PNPLA7: variants seen among roughly 807,000 people sequenced by gnomAD.
The protein encoded by PNPLA7 is patatin like domain 7, lysophospholipase.
PNPLA7 carries 153 observed loss-of-function variants against 161.7 expected under a neutral mutation model. That is an observed-to-expected ratio of 0.95 (90% CI 0.83 to 1.08). The LOEUF (loss-of-function observed/expected upper bound fraction) is 1.08, where lower values mean the gene tolerates loss of function less well. Ranked by LOEUF, PNPLA7 falls within the 50% of genes least tolerant of loss-of-function variation. The probability of loss-of-function intolerance (pLI) is 0.00; values close to 1 mark genes in which losing one functional copy is unlikely to be tolerated. For synonymous variants in PNPLA7, 809 were observed against 782.1 expected (o/e 1.03, Z -0.57); for missense variants, 1,739 against 1,856.6 (o/e 0.94, Z 1.16).
chr9:137,463,394 G>C, intron 29 of PNPLA7, 21 bp downstream of exon 29: 1 of 1,580,950 alleles, frequency 6.3e-7, no homozygotes, highest in Non-Finnish European at 8.6e-7. Flanking sequence ...CCTGCCGGGC[G>C]TGGTCCCCCC....
At chr9:137,477,647 G>A (rs189611422) in intron 25 of PNPLA7, among the ~76,000 whole-genome samples, 4 of 152,312 alleles carry the variant, frequency 2.6e-5, no homozygotes, top group Non-Finnish European at 4.4e-5. Context: ...GTTTCGCCAC[G>A]TTGGCCAGGA....
At chr9:137,495,192 G>A (rs372853192) in intron 18 of PNPLA7, 46 bp from the exon 19 acceptor site, 69 of 1,412,780 alleles carry the variant, frequency 4.9e-5, no homozygotes, top group South Asian at 1.3e-4. Flanking sequence ...TGGGAGGGCC[G>A]AGCCAGCTGG....
At position 137,500,737 on chromosome 9, in the gene PNPLA7, T is replaced by G; in HGVS notation, c.1711A>C (p.Asn571His). 2.5e-6 allele frequency: 4 copies of G among 1,612,468 alleles called. No individual in the cohort carries two copies. In the South Asian group the frequency reaches 3.3e-5, roughly 13 times the overall value. ...ATGGACAGGAAGCTGCAGTCCCTGT[T>G]GGCCTTGACGGTGAAGATGAGAGGC... is the stretch of plus-strand genomic sequence containing the variant. ...GEPLIFTVKANRDCSFLSISK... is the reference protein window; with the variant it reads ...GEPLIFTVKAHRDCSFLSISK... Residue 571 changes from asparagine to histidine, a missense_variant, in exon 16 of 35, where the codon AAC becomes CAC. By Grantham distance (68) the Asn-to-His change is moderately conservative (BLOSUM62 1). Around this residue, in one of 6 missense-constraint regions of PNPLA7, gnomAD observed 481 missense variants for 450.0 expected, o/e 1.07. Transcript: ENST00000406427. The surrounding 1 kb of genome is among the most constrained non-coding windows in gnomAD (Gnocchi z 5.5).
At position 137,504,022 on chromosome 9, in the gene PNPLA7, G is replaced by T. The variant is rs956595566; in HGVS notation, c.1473+1592C>A. On this transcript the variant is annotated intron_variant, in intron 14 of 34. Coordinates refer to ENST00000406427, the MANE Select transcript of PNPLA7 (RefSeq NM_001098537.3). Reference sequence around the variant, plus strand: ...AAGAAGAAAGAAGAAGGAAGAAGAAGAAGGAGGAGGAAGGAAGAAGAAAGA... The same window carrying T: ...AAGAAGAAAGAAGAAGGAAGAAGAATAAGGAGGAGGAAGGAAGAAGAAAGA... 1.1e-4 allele frequency among the ~76,000 whole-genome samples: 10 copies of T among 91,102 alleles called. No homozygotes were observed. In the Admixed American group the frequency reaches 1.2e-3, roughly 11 times the overall value. The allele number at this position is 91,102 out of a possible 152,430, so 59.8% of individuals were successfully genotyped here. A position where few individuals can be genotyped will look rare whatever the true frequency, so the allele number is the denominator to read the frequency against.
intron 9 of PNPLA7, 48 bp from the exon 10 acceptor site, chr9:137,521,764 G>C (rs1835004733): frequency 6.4e-7 from 1 of 1,555,960 alleles, no homozygotes; most frequent in South Asian, 1.1e-5. Flanking sequence ...TGGGGTACAG[G>C]GCGGGCCCCC....
rs143183402 is a variant in PNPLA7 at position 137,524,303 on chromosome 9, G to A, written c.748-1446C>T. Among the ~76,000 whole-genome samples the A allele has an allele frequency of 0.012, 1,797 of 152,098 alleles. 36 individuals carry two copies. The highest frequency in any genetic ancestry group is 0.041 in the African/African-American group (1,692 of 41,468). On this transcript the variant is annotated intron_variant, in intron 8 of 34. Coordinates refer to ENST00000406427, the MANE Select transcript of PNPLA7 (RefSeq NM_001098537.3). The surrounding 1 kb of genome is among the most constrained non-coding windows in gnomAD (Gnocchi z 4.4). The stretch of plus-strand genomic sequence containing the variant: ...TTGACTCCCAAGTGCTGGCTGTCTC[G>A]TGGAGGCCTCGCAGGGTCTCCGTCC...
intron 3 of PNPLA7, 68 bp from the exon 4 acceptor site, chr9:137,546,977 G>T: frequency 6.9e-7 from 1 of 1,450,390 alleles, no homozygotes; most frequent in Non-Finnish European, 9.7e-7. Flanking sequence ...ACATGCAGGT[G>T]CAGCACAGTC....
chr9:137,546,755 C>T lies in PNPLA7; in HGVS notation c.273+75G>A, dbSNP rs1836549873. The stretch of plus-strand genomic sequence containing the variant: ...GCACTGCCCAGCCTGGGGGAGCCCA[C>T]AGCAGAAGGGGTCCCTCCCACAGGG... On this transcript the variant is annotated intron_variant, in intron 4 of 34. Coordinates refer to ENST00000406427, the MANE Select transcript of PNPLA7 (RefSeq NM_001098537.3). 5.6e-6 allele frequency: 8 copies of T among 1,427,586 alleles called. No homozygotes were observed. In the South Asian group the frequency reaches 8.2e-5, roughly 15 times the overall value. The allele number at this position is 1,427,586 out of a possible 1,614,324, so 88.4% of individuals were successfully genotyped here. A position where few individuals can be genotyped will look rare whatever the true frequency, so the allele number is the denominator to read the frequency against.
At position 137,543,772 on chromosome 9, in the gene PNPLA7, G is replaced by T; in HGVS notation, c.317C>A (p.Pro106His). Residue 106 changes from proline to histidine, a missense_variant, in exon 5 of 35, where the codon CCC (proline) becomes CAC (histidine). Physicochemically the swap from Pro to His is moderately conservative, Grantham distance 77. This residue lies in a region of PNPLA7 where 209 missense variants were observed against 252.8 expected (regional missense o/e 0.83). Transcript: ENST00000406427. This position sits in a 1 kb window ranked among gnomAD's most constrained non-coding sequence, Gnocchi z 6.9. ...GGTCCTCTTCCTGGCCCGCTGCCGGGGCAGGGCAGTGTTCTCCACAAGGGT... is the reference window on the plus strand; with the variant it reads ...GGTCCTCTTCCTGGCCCGCTGCCGGTGCAGGGCAGTGTTCTCCACAAGGGT... ...PNTLVENTAL[P>H]RQRARKRTKV... 6.2e-7 allele frequency: 1 copy of T among 1,614,010 alleles called. No homozygotes were observed. The highest frequency in any genetic ancestry group is 1.1e-5 in the South Asian group (1 of 91,076).
chr9:137,462,111 G>A (rs951607659), intron 31 of PNPLA7, 68 bp downstream of exon 31: 14 of 1,518,060 alleles, frequency 9.2e-6, no homozygotes, highest in Admixed American at 2.1e-5. Context: ...TCAAAAGGGG[G>A]AAGCGAGGAG....
rs1298124745 is a variant in PNPLA7, at chr9:137,516,611, C to A, written c.1085-1092G>T. On this transcript the variant is annotated intron_variant, in intron 11 of 34. Coordinates refer to ENST00000406427, the MANE Select transcript of PNPLA7 (RefSeq NM_001098537.3). ...ATCACTTGAGACCAGGAGTTCAAGACCACCCTGGACCACGTAGTAAGATGC... is the reference window on the plus strand; with the variant it reads ...ATCACTTGAGACCAGGAGTTCAAGAACACCCTGGACCACGTAGTAAGATGC... The A allele has an allele frequency of 4.8e-6, 3 of 630,416 alleles. No homozygotes were observed. The African/African-American group carries it at 6.0e-5, about 13-fold the overall frequency. 39.1% of individuals were successfully genotyped at this position (630,416 alleles called of 1,614,324 possible).
Position 137,543,560 on chromosome 9 carries a change from G to C in PNPLA7, c.378C>G (p.Phe126Leu). The C allele has an allele frequency of 6.2e-7, 1 of 1,612,406 alleles. No individual in the cohort carries two copies. Among genetic ancestry groups the C allele is most frequent in the Middle Eastern group, 1.7e-4 (1 of 6,056 alleles). ...VLSLAKRILR[F>L]KKEYPALQPK... ...GCTGCAGGGCCGGGTATTCCTTCTT[G>C]AAACGCAGAATCCTACAAGGCAGAG... is the stretch of plus-strand genomic sequence containing the variant. Residue 126 changes from phenylalanine to leucine, a missense_variant, in exon 6 of 35, where the codon TTC becomes TTG. Physicochemically the swap from Phe to Leu is conservative, Grantham distance 22. Around this residue, in one of 6 missense-constraint regions of PNPLA7, gnomAD observed 209 missense variants for 252.8 expected, o/e 0.83. Coordinates refer to ENST00000406427, the MANE Select transcript of PNPLA7 (RefSeq NM_001098537.3). The surrounding 1 kb of genome is among the most constrained non-coding windows in gnomAD (Gnocchi z 6.9).
chr9:137,506,054 C>A lies in PNPLA7; in HGVS notation c.1255G>T (p.Gly419Trp), dbSNP rs1315428341. The A allele has an allele frequency of 3.1e-6, 5 of 1,613,062 alleles. No homozygotes were observed. The highest frequency in any genetic ancestry group is 4.2e-6 in the Non-Finnish European group (5 of 1,179,782). ...GGPGSATSDL[G>W]MACDRARVFL... ...ACCCTGGCACGGTCACATGCCATCC[C>A]CAGATCAGAAGTGGCACTGCCTGGG... is the stretch of plus-strand genomic sequence containing the variant. The change falls in exon 13 of 35, where the codon GGG becomes TGG. Residue 419 changes from glycine to tryptophan, a missense_variant. This residue lies in a region of PNPLA7 where 481 missense variants were observed against 450.0 expected (regional missense o/e 1.07). Transcript: ENST00000406427.
chr9:137,488,424 T>C (rs1249228011), intron 20 of PNPLA7, among the ~76,000 whole-genome samples: 1 of 152,166 alleles, frequency 6.6e-6, no homozygotes, highest in East Asian at 1.9e-4. Flanking sequence ...CTGGTGAGGT[T>C]CTGGCTCTGG....
chr9:137,495,205 C>T, intron 18 of PNPLA7, 59 bp from the exon 19 acceptor site: 4 of 1,267,600 alleles, frequency 3.2e-6, no homozygotes, highest in African/African-American at 1.5e-5. Context: ...CCAGCTGGAC[C>T]TGTCCCTGAC....
chr9:137,533,823 C>A (rs1240586611), intron 8 of PNPLA7, among the ~76,000 whole-genome samples: 1 of 148,848 alleles, frequency 6.7e-6, no homozygotes, highest in Non-Finnish European at 1.5e-5. Context: ...CCACTCCAGA[C>A]AGGAGCACCC....
chr9:137,518,411 G>A (rs1209491188), intron 11 of PNPLA7, among the ~76,000 whole-genome samples: 9 of 55,360 alleles, frequency 1.6e-4, no homozygotes, highest in African/African-American at 6.4e-4. Context: ...ACTCCACTCT[G>A]CTCACTCCAT....
rs527520264 is a variant in PNPLA7 at position 137,498,206 on chromosome 9, C to T, written c.1797G>A (p.Ala599=). 2.9e-5 allele frequency: 46 copies of T among 1,612,562 alleles called. No homozygotes were observed. The Admixed American group carries it at 5.3e-4, about 19-fold the overall frequency. ...RKQPTVVLGV[A]HTVVKRMSSF... ...ACGACATCCTCTTCACCACAGTGTG[C>T]GCCACACCCAGGACGACGGTCGGCT... The change falls in exon 17 of 35, where the codon GCG becomes GCA. Residue 599 remains alanine, a synonymous_variant. Coordinates refer to ENST00000406427, the MANE Select transcript of PNPLA7 (RefSeq NM_001098537.3).
Position 137,479,252 on chromosome 9 carries a change from C to A in PNPLA7, c.2581-14G>T. Reference sequence around the variant, plus strand: ...CATCCGCTCCAGCTGAAAGGCAGAGCCCACGTGTCTGCCAGCCGGGTGAGC... The same window carrying A: ...CATCCGCTCCAGCTGAAAGGCAGAGACCACGTGTCTGCCAGCCGGGTGAGC... On this transcript the variant is annotated splice_polypyrimidine_tract_variant and intron_variant, in intron 23 of 34. Coordinates refer to ENST00000406427, the MANE Select transcript of PNPLA7 (RefSeq NM_001098537.3). 6.6e-7 allele frequency: 1 copy of A among 1,511,356 alleles called. No homozygotes were observed. Among genetic ancestry groups the A allele is most frequent in the South Asian group, 1.2e-5 (1 of 81,092 alleles). 93.6% of individuals were successfully genotyped at this position (1,511,356 alleles called of 1,614,324 possible).
Sources: gnomAD v4.1 joint callset for allele counts (sites outside exome capture counted in the v4.1 genomes callset) on GRCh38, gnomAD v4.1.1 for gene constraint, gnomAD v4.1.1 regional missense constraint, Gnocchi (gnomAD v3.1) non-coding constraint, MANE v1.5 for transcripts, NCBI Gene and HGNC (gene_info 2026-07-23, HGNC 2026-07-21) for gene names.